CEP112: variants seen among roughly 807,000 people sequenced by gnomAD.
CEP112 encodes centrosomal protein 112, also known as centrosomal protein of 112 kDa.
In CEP112, 127 loss-of-function variants were observed where a neutral mutation model predicts 153.0. The ratio of observed to expected loss-of-function variants is 0.83; its 90% CI spans 0.72 to 0.96. CEP112 has a LOEUF of 0.96. Among genes scored for constraint, CEP112 ranks in the 40% least tolerant of loss-of-function variants. CEP112 has a pLI of 0.00. For missense variants in CEP112, 1,089 were observed against 1,101.2 expected (o/e 0.99, Z 0.16); for synonymous variants, 358 against 374.4 (o/e 0.96, Z 0.51).
intron 1 of CEP112, among the ~76,000 whole-genome samples, chr17:66,188,908 A>C (rs2073054683): frequency 6.6e-6 from 1 of 152,170 alleles, no homozygotes; most frequent in South Asian, 2.1e-4. Flanking sequence ...GCCTAGATGT[A>C]CTCCGGGGCT....
At chr17:66,000,636 G>A (rs1264346917) in intron 17 of CEP112, among the ~76,000 whole-genome samples, 2 of 152,120 alleles carry the variant, frequency 1.3e-5, no homozygotes, top group East Asian at 1.9e-4. Flanking sequence ...AGAGCACTGC[G>A]CCCACTCTCA....
chr17:65,649,078 ACACAC>A (rs2045602094), intron 24 of CEP112, among the ~76,000 whole-genome samples: 122 of 144,604 alleles, frequency 8.4e-4, no homozygotes, highest in African/African-American at 3.0e-3. Context: ...AAACAAACAC[ACACAC>A]ACACACACAC....
In CEP112 at chr17:65,746,090, G is replaced by A. The variant is rs372066522; in HGVS notation, c.2458-2873C>T. On this transcript the variant is annotated intron_variant, in intron 22 of 26. Coordinates refer to ENST00000535342, the MANE Select transcript of CEP112 (RefSeq NM_001199165.4). ...TGAGGCTGGAGAATCACTTGAACCC[G>A]GGAGGCGGAGGCCGCAGTGAGCCAA... 1.1e-4 allele frequency among the ~76,000 whole-genome samples: 17 copies of A among 149,692 alleles called. 1 individual carries two copies. The East Asian group carries it at 2.4e-3, about 21-fold the overall frequency.
Position 66,100,733 on chromosome 17 carries a change from C to T in CEP112, c.643-4101G>A, listed in dbSNP as rs1030260993. ...ACTGACCTAAGACCATCGACTGAAA[C>T]ATAAACAGATGGCCCTCCATATTCA... On this transcript the variant is annotated intron_variant, in intron 6 of 26. Coordinates refer to ENST00000535342, the MANE Select transcript of CEP112 (RefSeq NM_001199165.4). Among the ~76,000 whole-genome samples the T allele has an allele frequency of 4.6e-5, 7 of 152,098 alleles. No homozygotes were observed. The South Asian group carries it at 6.2e-4, about 13-fold the overall frequency.
At chr17:66,084,788 T>C (rs1231177808) in intron 8 of CEP112, among the ~76,000 whole-genome samples, 1 of 152,056 alleles carries the variant, frequency 6.6e-6, no homozygotes, top group Non-Finnish European at 1.5e-5. Context: ...AAAATTTAAT[T>C]GTACATTTTA....
chr17:65,905,223 C>T (rs1421410099), intron 19 of CEP112, among the ~76,000 whole-genome samples: 1 of 152,000 alleles, frequency 6.6e-6, no homozygotes, highest in Non-Finnish European at 1.5e-5. Context: ...GGGTTAATAT[C>T]CAGAATCTAC....
intron 8 of CEP112, 49 bp downstream of exon 8, chr17:66,096,202 T>A: frequency 7.5e-7 from 1 of 1,331,502 alleles, no homozygotes; most frequent in African/African-American, 1.5e-5. Flanking sequence ...TTACATAAAA[T>A]ATTAAAACTG....
chr17:65,995,767 T>C, intron 17 of CEP112, among the ~76,000 whole-genome samples: 1 of 152,180 alleles, frequency 6.6e-6, no homozygotes, highest in Non-Finnish European at 1.5e-5. Flanking sequence ...ATAATTCCCA[T>C]GTGTTGTAGG....
At chr17:66,054,554 A>T (rs1368232164) in intron 11 of CEP112, among the ~76,000 whole-genome samples, 2 of 152,222 alleles carry the variant, frequency 1.3e-5, no homozygotes, top group African/African-American at 2.4e-5. Flanking sequence ...AAAGGCAAAT[A>T]CAGGAGGTCC....
At chr17:66,135,026 C>A (rs1432040221) in intron 4 of CEP112, among the ~76,000 whole-genome samples, 2 of 152,162 alleles carry the variant, frequency 1.3e-5, no homozygotes, top group African/African-American at 2.4e-5. Context: ...GTTTTGCTTA[C>A]AAAATCTACA....
intron 17 of CEP112, among the ~76,000 whole-genome samples, chr17:65,993,356 G>A (rs1279562374): frequency 6.6e-6 from 1 of 152,072 alleles, no homozygotes; most frequent in Non-Finnish European, 1.5e-5. Flanking sequence ...GAACATTTGG[G>A]TTGATTCCAT....
intron 20 of CEP112, among the ~76,000 whole-genome samples, chr17:65,859,139 A>G (rs1277264892): frequency 2.6e-5 from 4 of 152,318 alleles, no homozygotes; most frequent in Admixed American, 2.0e-4. Flanking sequence ...TTACTCCATC[A>G]ATGCATTAAA....
At chr17:65,831,646 AGT>A (rs370651234) in intron 21 of CEP112, among the ~76,000 whole-genome samples, 368 of 152,252 alleles carry the variant, frequency 2.4e-3, no homozygotes, top group African/African-American at 8.8e-3. Flanking sequence ...CCAGGAACAA[AGT>A]GAGAAATTTG....
At chr17:66,045,544 T>C (rs576181230) in intron 12 of CEP112, among the ~76,000 whole-genome samples, 46 of 152,216 alleles carry the variant, frequency 3.0e-4, no homozygotes, top group Non-Finnish European at 6.0e-4. Context: ...ATTGTGGGTC[T>C]CAATCCATGT....
At chr17:65,810,458 T>C (rs1009567841) in intron 21 of CEP112, among the ~76,000 whole-genome samples, 4 of 152,092 alleles carry the variant, frequency 2.6e-5, no homozygotes, top group African/African-American at 7.2e-5. Flanking sequence ...CGGTGACCAG[T>C]AGTGTTCAAG....
At chr17:65,929,369 C>A (rs2061042790) in intron 18 of CEP112, among the ~76,000 whole-genome samples, 1 of 152,170 alleles carries the variant, frequency 6.6e-6, no homozygotes, top group Non-Finnish European at 1.5e-5. Context: ...ACCTGCTGCC[C>A]AGGCCTATAA....
At chr17:66,043,967 G>T (rs2066094284) in intron 12 of CEP112, among the ~76,000 whole-genome samples, 1 of 152,254 alleles carries the variant, frequency 6.6e-6, no homozygotes, top group African/African-American at 2.4e-5. Context: ...ATCAGGAGCT[G>T]CTCAGCAAGA....
intron 23 of CEP112, among the ~76,000 whole-genome samples, chr17:65,714,423 T>A (rs1283680261): frequency 1.3e-5 from 1 of 75,502 alleles, no homozygotes; most frequent in South Asian, 4.7e-4. Context: ...AATATCAAAG[T>A]TTTTTTTTAA....
At chr17:66,024,603 A>G (rs1007287641) in intron 16 of CEP112, among the ~76,000 whole-genome samples, 11 of 151,864 alleles carry the variant, frequency 7.2e-5, no homozygotes, top group Admixed American at 5.9e-4. Flanking sequence ...TTAACCAAGG[A>G]GGTAAAAGGA....
Sources: allele counts gnomAD v4.1 joint callset (sites outside exome capture counted in the v4.1 genomes callset), GRCh38; gene constraint gnomAD v4.1.1; transcripts MANE v1.5; gene names NCBI Gene and HGNC (gene_info 2026-07-23, HGNC 2026-07-21).